Variants in KAZN observed in about 807,000 individuals in gnomAD.
The protein encoded by KAZN is kazrin.
In KAZN, 40 loss-of-function variants were observed where a neutral mutation model predicts 87.4. The observed-to-expected ratio is 0.46, with a 90% CI of 0.36 to 0.60. The LOEUF (loss-of-function observed/expected upper bound fraction) is 0.60, where lower values mean the gene tolerates loss of function less well. Among genes scored for constraint, KAZN ranks in the 20% least tolerant of loss-of-function variants. The pLI is 0.00. For synonymous variants in KAZN, 466 were observed against 458.3 expected (o/e 1.02, Z -0.22); for missense variants, 898 against 1,073.9 (o/e 0.84, Z 2.29).
At chr1:15,001,832 T>G (rs932663330) in intron 2 of KAZN, among the ~76,000 whole-genome samples, 1 of 151,616 alleles carries the variant, frequency 6.6e-6, no homozygotes, top group Non-Finnish European at 1.5e-5. Context: ...AGGTGGATTC[T>G]TCTGGCGATG....
In KAZN at chr1:14,666,884, C is replaced by T. The variant is rs185178330; in HGVS notation, c.226+67661C>T. ...CCGAGTAGCTGGGACTACAGGCGTG[C>T]GCCACCACACCCAGCTAATTTTTGT... On this transcript the variant is annotated intron_variant, in intron 1 of 14. Transcript: ENST00000376030. Among the ~76,000 whole-genome samples, 1,114 of 152,166 alleles carry T rather than the reference C, an allele frequency of 7.3e-3. 11 individuals carry two copies. The highest frequency in any genetic ancestry group is 0.025 in the African/African-American group (1,033 of 41,524).
intron 2 of KAZN, among the ~76,000 whole-genome samples, chr1:14,225,737 C>A (rs1557574974): frequency 6.6e-6 from 1 of 151,904 alleles, no homozygotes; most frequent in African/African-American, 2.4e-5. Context: ...TTGATAAAGC[C>A]AATAATAACG....
At chr1:14,692,944 C>T (rs1487756024) in intron 1 of KAZN, among the ~76,000 whole-genome samples, 6 of 151,916 alleles carry the variant, frequency 3.9e-5, no homozygotes, top group African/African-American at 1.2e-4. Flanking sequence ...ACAAAGAAAT[C>T]GAAGGACAGG....
chr1:14,841,879 G>C (rs1329233699), intron 1 of KAZN, among the ~76,000 whole-genome samples: 1 of 152,058 alleles, frequency 6.6e-6, no homozygotes, highest in African/African-American at 2.4e-5. Flanking sequence ...TCCTGTTCTA[G>C]CCACTCCAGC....
intron 1 of KAZN, among the ~76,000 whole-genome samples, chr1:13,917,984 A>G (rs565479728): frequency 1.3e-5 from 2 of 152,300 alleles, no homozygotes; most frequent in South Asian, 4.1e-4. Context: ...CTCATAGACA[A>G]TGCACCTGGT....
At chr1:14,890,412 G>A (rs190160253) in intron 1 of KAZN, among the ~76,000 whole-genome samples, 10 of 152,252 alleles carry the variant, frequency 6.6e-5, no homozygotes, top group Non-Finnish European at 8.8e-5. Context: ...ACATCGTCCC[G>A]CTGCAAAAAG....
At chr1:13,983,208 G>A (rs1371402065) in intron 1 of KAZN, among the ~76,000 whole-genome samples, 1 of 152,244 alleles carries the variant, frequency 6.6e-6, no homozygotes, top group Non-Finnish European at 1.5e-5. Context: ...GTGCCGTGGA[G>A]CAAGGGGTGG....
At chr1:14,336,833 T>C (rs703802) in intron 2 of KAZN, among the ~76,000 whole-genome samples, 22,884 of 152,224 alleles carry the variant, frequency 0.15, 2,014 homozygotes, top group East Asian at 0.36. Flanking sequence ...TTTTATATAA[T>C]CTGGTACTAT....
At chr1:14,090,898 G>A (rs901720850) in intron 1 of KAZN, among the ~76,000 whole-genome samples, 6 of 152,050 alleles carry the variant, frequency 3.9e-5, no homozygotes, top group Admixed American at 3.3e-4. Flanking sequence ...TGGATCAAGA[G>A]GTCAGGTGTT....
chr1:14,352,979 G>T lies in KAZN; in HGVS notation c.249+172387G>T, dbSNP rs1658673627. Among the ~76,000 whole-genome samples, 4 of 152,086 alleles carry T rather than the reference G, an allele frequency of 2.6e-5. No individual in the cohort carries two copies. In the South Asian group the frequency reaches 8.3e-4, roughly 32 times the overall value. Reference sequence around the variant, plus strand: ...TTGCCGAAAATTTAGACCCATTCATGATTTTTTAAATCCACATAACTAGGG... The same window carrying T: ...TTGCCGAAAATTTAGACCCATTCATTATTTTTTAAATCCACATAACTAGGG... On this transcript the variant is annotated intron_variant, in intron 2 of 16. Coordinates refer to the KAZN transcript ENST00000636203.
chr1:14,593,020 A>G (rs1457391896), intron 2 of KAZN, among the ~76,000 whole-genome samples: 2 of 152,232 alleles, frequency 1.3e-5, no homozygotes, highest in Non-Finnish European at 2.9e-5. Flanking sequence ...TGTGCTGAGC[A>G]CTGAAGGGAT....
intron 2 of KAZN, among the ~76,000 whole-genome samples, chr1:14,439,405 G>A (rs1397497533): frequency 1.3e-5 from 2 of 152,148 alleles, no homozygotes; most frequent in Non-Finnish European, 2.9e-5. Flanking sequence ...TCCTAACAGA[G>A]TTAGGAGTTT....
At chr1:15,046,276 C>CG (rs2100366911) in intron 4 of KAZN, among the ~76,000 whole-genome samples, 1 of 132,748 alleles carries the variant, frequency 7.5e-6, no homozygotes, top group East Asian at 2.2e-4. Flanking sequence ...CCAGCCTGGG[C>CG]AACAGAGCAA....
chr1:14,082,715 T>G (rs1335078014), intron 1 of KAZN, among the ~76,000 whole-genome samples: 5 of 152,178 alleles, frequency 3.3e-5, no homozygotes, highest in Admixed American at 1.3e-4. Flanking sequence ...ATCCTATTTC[T>G]TTTTCTTGTG....
chr1:14,929,459 GT>G (rs1236482232), intron 1 of KAZN, among the ~76,000 whole-genome samples: 1 of 152,186 alleles, frequency 6.6e-6, no homozygotes, highest in East Asian at 1.9e-4. Context: ...AGGAAGAAGA[GT>G]TTGTTCATTT....
intron 2 of KAZN, among the ~76,000 whole-genome samples, chr1:14,993,167 TAA>T (rs57404016): frequency 7.1e-4 from 95 of 133,144 alleles, no homozygotes; most frequent in African/African-American, 1.8e-3. Context: ...CATAAGCAAT[TAA>T]AAAAAAAAAA....
At chr1:14,863,089 C>T (rs1007316909) in intron 1 of KAZN, among the ~76,000 whole-genome samples, 4 of 152,140 alleles carry the variant, frequency 2.6e-5, no homozygotes, top group Non-Finnish European at 5.9e-5. Context: ...CTTTGTATCC[C>T]TTTCTCTTTC....
chr1:14,511,842 G>T (rs1670922964), intron 2 of KAZN, among the ~76,000 whole-genome samples: 1 of 152,152 alleles, frequency 6.6e-6, no homozygotes, highest in African/African-American at 2.4e-5. Context: ...CTGGGAAGAA[G>T]AATTCAGAAT....
At chr1:14,970,291 T>G (rs1023849822) in intron 2 of KAZN, among the ~76,000 whole-genome samples, 19 of 152,234 alleles carry the variant, frequency 1.2e-4, no homozygotes, top group African/African-American at 4.6e-4. Context: ...TCGTGCTTGC[T>G]GATATCTCAT....
Sources: gnomAD v4.1 joint callset for allele counts (sites outside exome capture counted in the v4.1 genomes callset) on GRCh38, gnomAD v4.1.1 for gene constraint, MANE v1.5 for transcripts, NCBI Gene and HGNC (gene_info 2026-07-23, HGNC 2026-07-21) for gene names.